PPIL4: variants seen among roughly 807,000 people sequenced by gnomAD.
PPIL4 encodes the protein peptidyl-prolyl cis-trans isomerase-like 4.
In PPIL4, 50 loss-of-function variants were observed where a neutral mutation model predicts 69.1. That is an observed-to-expected ratio of 0.72 (90% CI 0.58 to 0.92). The LOEUF (loss-of-function observed/expected upper bound fraction) is 0.92, where lower values mean the gene tolerates loss of function less well. PPIL4 is among the 40% of genes least tolerant of loss of function. The pLI is 0.00. For missense variants in PPIL4, 480 were observed against 587.9 expected (o/e 0.82, Z 1.90); for synonymous variants, 193 against 191.6 (o/e 1.01, Z -0.06).
Position 149,546,001 on chromosome 6 carries a change from G to A in PPIL4, c.5C>T (p.Ala2Val). ...GCCTAAAGTGGTCTCCAGTAGAACC[G>A]CCATGGCGCCCGCTCCTCCTCCGCT... M[A>V]VLLETTLGDV... Residue 2 changes from alanine (A) to valine (V), a missense_variant, in exon 1 of 13, where the codon GCG becomes GTG. Coordinates refer to ENST00000253329, the MANE Select transcript of PPIL4 (RefSeq NM_139126.4). The A allele has an allele frequency of 1.3e-6, 2 of 1,578,012 alleles. No individual in the cohort carries two copies. The highest frequency in any genetic ancestry group is 8.6e-7 in the Non-Finnish European group (1 of 1,159,600).
chr6:149,541,115 T>C, intron 3 of PPIL4, 56 bp from the exon 4 acceptor site: 1 of 968,550 alleles, frequency 1.0e-6, no homozygotes, highest in Non-Finnish European at 1.6e-6. Context: ...AATACAGAAG[T>C]ACTAGTAACA....
rs1409287540 is a variant in PPIL4 at position 149,529,750 on chromosome 6, G to A, written c.679-2974C>T. Among the ~76,000 whole-genome samples, 4 of 134,480 alleles carry A rather than the reference G, an allele frequency of 3.0e-5. No homozygotes were observed. The East Asian group carries it at 6.8e-4, about 23-fold the overall frequency. The allele number at this position is 134,480 out of a possible 152,430, so 88.2% of individuals were successfully genotyped here. On this transcript the variant is annotated intron_variant, in intron 7 of 12. Coordinates refer to ENST00000253329, the MANE Select transcript of PPIL4 (RefSeq NM_139126.4). The stretch of plus-strand genomic sequence containing the variant: ...TGTACTCTAGCCTGACGACAAGAGC[G>A]AGACTCCGTCTCAAAAAAAAAAAAA...
At chr6:149,515,654 A>C (rs755751460) in intron 11 of PPIL4, among the ~76,000 whole-genome samples, 5 of 152,334 alleles carry the variant, frequency 3.3e-5, no homozygotes, top group Non-Finnish European at 7.3e-5. Context: ...ACAGATGCTT[A>C]CTAAGTATCT....
intron 9 of PPIL4, 126 bp from the exon 10 acceptor site, chr6:149,521,297 T>C (rs1777026432): frequency 1.1e-5 from 7 of 628,076 alleles, no homozygotes; most frequent in South Asian, 1.1e-4. Context: ...ACACACCCGA[T>C]GCTGTTAAAT....
intron 4 of PPIL4, among the ~76,000 whole-genome samples, chr6:149,536,309 T>C (rs1297703180): frequency 6.6e-6 from 1 of 152,028 alleles, no homozygotes; most frequent in African/African-American, 2.4e-5. Context: ...TCTTAAGTGT[T>C]CAAGTAAAAG....
At chr6:149,517,296 A>G (rs759476084) in intron 11 of PPIL4, 58 bp downstream of exon 11, 22 of 924,846 alleles carry the variant, frequency 2.4e-5, no homozygotes, top group African/African-American at 4.9e-5. Flanking sequence ...ATCACACAGT[A>G]CTCTACACAT....
chr6:149,540,801 G>T, intron 4 of PPIL4, 141 bp downstream of exon 4: 1 of 468,984 alleles, frequency 2.1e-6, no homozygotes, highest in Non-Finnish European at 3.8e-6. Context: ...TTTTAATATA[G>T]AAAAAGTGCA....
intron 8 of PPIL4, among the ~76,000 whole-genome samples, 164 bp from the exon 9 acceptor site, chr6:149,525,373 T>C (rs576039484): frequency 6.6e-6 from 1 of 152,336 alleles, no homozygotes; most frequent in East Asian, 1.9e-4. Flanking sequence ...TTTTTAAAAG[T>C]AGTTCACCAG....
At chr6:149,536,931 G>T (rs1777285746) in intron 4 of PPIL4, among the ~76,000 whole-genome samples, 1 of 151,898 alleles carries the variant, frequency 6.6e-6, no homozygotes, top group Admixed American at 6.6e-5. Context: ...TTCAAGACCA[G>T]CCTGACCAAC....
chr6:149,544,437 T>A (rs1189410398), intron 1 of PPIL4, among the ~76,000 whole-genome samples: 1 of 152,210 alleles, frequency 6.6e-6, no homozygotes, highest in Admixed American at 6.5e-5. Flanking sequence ...GTAGCAGACA[T>A]TGTACTGGGT....
intron 11 of PPIL4, among the ~76,000 whole-genome samples, chr6:149,514,616 C>T (rs2115028881): frequency 6.6e-6 from 1 of 152,114 alleles, no homozygotes; most frequent in Admixed American, 6.5e-5. Flanking sequence ...GCCACTGCGC[C>T]TGGCTCAGAG....
At chr6:149,525,841 C>G (rs1316601162) in intron 8 of PPIL4, among the ~76,000 whole-genome samples, 2 of 152,178 alleles carry the variant, frequency 1.3e-5, no homozygotes, top group Admixed American at 1.3e-4. Flanking sequence ...TGGCTCATAC[C>G]TATAACCCCA....
rs770502926 is a variant in PPIL4, at chr6:149,526,754, T to G, written c.701A>C (p.Asp234Ala). The G allele has an allele frequency of 1.5e-5, 25 of 1,613,018 alleles. No homozygotes were observed. In the South Asian group the frequency reaches 2.5e-4, roughly 16 times the overall value. Residue 234 changes from aspartate to alanine, a missense_variant, in exon 8 of 13, where the codon GAT becomes GCT. Asp to Ala is a moderately radical substitution (Grantham distance 126). Transcript: ENST00000253329. ...LEMVGDLPDADIKPPENVLFV... is the reference protein window; with the variant it reads ...LEMVGDLPDAAIKPPENVLFV... ...CAGTACATTTTCTGGAGGTTTAATA[T>G]CTGCATCAGGTAGGTCTCCCACCTA...
chr6:149,522,417 G>C (rs1406922442), intron 9 of PPIL4, among the ~76,000 whole-genome samples: 1 of 152,182 alleles, frequency 6.6e-6, no homozygotes, highest in African/African-American at 2.4e-5. Context: ...TAAACCTATA[G>C]TGATTAACAC....
intron 10 of PPIL4, among the ~76,000 whole-genome samples, chr6:149,519,035 T>C (rs1776988773): frequency 6.6e-6 from 1 of 152,220 alleles, no homozygotes; most frequent in African/African-American, 2.4e-5. Flanking sequence ...ACTGTATGTT[T>C]ATGATGGCAT....
intron 9 of PPIL4, among the ~76,000 whole-genome samples, chr6:149,523,912 G>T (rs1777067803): frequency 6.6e-6 from 1 of 152,144 alleles, no homozygotes; most frequent in African/African-American, 2.4e-5. Flanking sequence ...TACCTTGTAA[G>T]TATCATTTCT....
At chr6:149,536,577 C>T (rs546550096) in intron 4 of PPIL4, among the ~76,000 whole-genome samples, 42 of 152,214 alleles carry the variant, frequency 2.8e-4, no homozygotes, top group African/African-American at 9.9e-4. Flanking sequence ...CCAGCCACAA[C>T]GATCCCTTAA....
rs548756084 is a variant in PPIL4 at position 149,534,740 on chromosome 6, C to T, written c.499G>A (p.Asp167Asn). 2 of 1,594,042 alleles carry T rather than the reference C, an allele frequency of 1.3e-6. No homozygotes were observed. The highest frequency in any genetic ancestry group is 1.7e-6 in the Non-Finnish European group (2 of 1,165,748). ...NHTVILDDPF[D>N]DPPDLLIPDR... ...GGGATTAATAAATCAGGAGGGTCAT[C>T]AAATGGATCATCTAAAATCACCGTA... The change falls in exon 6 of 13, where the codon GAT becomes AAT. Residue 167 changes from aspartate to asparagine, a missense_variant. Coordinates refer to ENST00000253329, the MANE Select transcript of PPIL4 (RefSeq NM_139126.4).
At chr6:149,527,820 G>C (rs1166066454) in intron 7 of PPIL4, among the ~76,000 whole-genome samples, 1 of 152,134 alleles carries the variant, frequency 6.6e-6, no homozygotes, top group African/African-American at 2.4e-5. Context: ...TTTCTGATAA[G>C]ATCACCTGTA....
Sources: gnomAD v4.1 joint callset for allele counts (sites outside exome capture counted in the v4.1 genomes callset) on GRCh38, gnomAD v4.1.1 for gene constraint, MANE v1.5 for transcripts, NCBI Gene and HGNC (gene_info 2026-07-23, HGNC 2026-07-21) for gene names.